Variants in CSMD1 observed in about 807,000 individuals in gnomAD.
CSMD1 encodes CUB and sushi domain-containing protein 1.
In CSMD1, 213 loss-of-function variants were observed where a neutral mutation model predicts 417.5. The ratio of observed to expected loss-of-function variants is 0.51; its 90% confidence interval spans 0.46 to 0.57. CSMD1 has a LOEUF of 0.57. Ranked by LOEUF, CSMD1 falls within the 20% of genes least tolerant of loss-of-function variation. The pLI is 0.00. For missense variants in CSMD1, 6,923 were observed against 4,529.7 expected (o/e 1.53, Z -15.17); for synonymous variants, 2,862 against 1,736.8 (o/e 1.65, Z -16.11).
At chr8:3,590,738 C>T (rs899364668) in intron 8 of CSMD1, among the ~76,000 whole-genome samples, 3 of 152,132 alleles carry the variant, frequency 2.0e-5, no homozygotes, top group Admixed American at 6.5e-5. Context: ...TGTGGGTAAA[C>T]GCCATTCCAG....
chr8:2,944,552 C>CA (rs1802091093), intron 68 of CSMD1, among the ~76,000 whole-genome samples: 1 of 152,154 alleles, frequency 6.6e-6, no homozygotes. Context: ...CTCATAGTCA[C>CA]AAAAATGTAA....
At chr8:3,455,148 G>A (rs938411610) in intron 12 of CSMD1, among the ~76,000 whole-genome samples, 2 of 152,176 alleles carry the variant, frequency 1.3e-5, no homozygotes, top group African/African-American at 4.8e-5. Flanking sequence ...CTCCTGCCAT[G>A]GTTTTCAGTT....
intron 3 of CSMD1, among the ~76,000 whole-genome samples, chr8:4,167,349 G>C (rs1162681613): frequency 2.0e-5 from 3 of 152,156 alleles, no homozygotes; most frequent in Admixed American, 1.3e-4. Context: ...TTTGTGAAGG[G>C]TGCCTGGTGA....
chr8:3,679,948 C>T (rs549376245), intron 7 of CSMD1, among the ~76,000 whole-genome samples: 2 of 152,138 alleles, frequency 1.3e-5, no homozygotes, highest in Admixed American at 6.5e-5. Context: ...GGGTACATAA[C>T]GAAATGAAGG....
intron 2 of CSMD1, among the ~76,000 whole-genome samples, chr8:4,535,626 C>T (rs1197615329): frequency 4.6e-5 from 7 of 152,114 alleles, no homozygotes; most frequent in African/African-American, 1.7e-4. Flanking sequence ...TAATATAGTT[C>T]CAAATCATTC....
At chr8:3,906,439 C>G (rs551033703) in intron 5 of CSMD1, among the ~76,000 whole-genome samples, 1 of 152,142 alleles carries the variant, frequency 6.6e-6, no homozygotes, top group Non-Finnish European at 1.5e-5. Flanking sequence ...TGTTTAATGC[C>G]TTAGAAATCA....
chr8:3,150,332 C>T (rs1355214573), intron 40 of CSMD1, among the ~76,000 whole-genome samples: 1 of 152,220 alleles, frequency 6.6e-6, no homozygotes, highest in East Asian at 1.9e-4. Context: ...AGCTGCTCTT[C>T]CACAGTCCTC....
intron 7 of CSMD1, among the ~76,000 whole-genome samples, chr8:3,631,800 T>C (rs1796796218): frequency 6.6e-6 from 1 of 152,164 alleles, no homozygotes; most frequent in Non-Finnish European, 1.5e-5. Context: ...TTTCTCTGCC[T>C]TAGGCACTAA....
chr8:3,914,003 T>C (rs933410052), intron 5 of CSMD1, among the ~76,000 whole-genome samples: 2 of 152,154 alleles, frequency 1.3e-5, no homozygotes, highest in African/African-American at 2.4e-5. Context: ...TAATACTTTG[T>C]TATTCTTGAA....
rs186824887 is a variant in CSMD1 at position 3,970,127 on chromosome 8, A to G, written c.818+27776T>C. On this transcript the variant is annotated intron_variant, in intron 5 of 69. Coordinates refer to ENST00000635120, the MANE Select transcript of CSMD1 (RefSeq NM_033225.6). ...TTTGTGAGAAATCTTAAAATGCTCA[A>G]TCATGCTCTAAAATAATCATTTTAT... 1.6e-3 allele frequency among the ~76,000 whole-genome samples: 246 copies of G among 152,348 alleles called. 2 individuals carry two copies. Among genetic ancestry groups the G allele is most frequent in the Non-Finnish European group, 2.3e-3 (157 of 68,028 alleles).
intron 4 of CSMD1, among the ~76,000 whole-genome samples, chr8:4,024,791 C>G (rs956084356): frequency 6.6e-6 from 1 of 152,204 alleles, no homozygotes; most frequent in Non-Finnish European, 1.5e-5. Flanking sequence ...TTTATGACAG[C>G]TTGTGACTGG....
At chr8:3,965,872 C>T (rs1041634231) in intron 5 of CSMD1, among the ~76,000 whole-genome samples, 1 of 152,100 alleles carries the variant, frequency 6.6e-6, no homozygotes, top group African/African-American at 2.4e-5. Context: ...CAGCCTTGGC[C>T]TTTTGAAGTG....
chr8:4,217,924 T>C (rs1423753285), intron 3 of CSMD1, among the ~76,000 whole-genome samples: 1 of 152,102 alleles, frequency 6.6e-6, no homozygotes, highest in Admixed American at 6.6e-5. Flanking sequence ...AGAACAAGAT[T>C]CAGGAGCAAA....
intron 1 of CSMD1, among the ~76,000 whole-genome samples, chr8:4,878,952 A>G (rs1407109270): frequency 6.6e-6 from 1 of 151,818 alleles, no homozygotes; most frequent in Non-Finnish European, 1.5e-5. Context: ...AGGACCTGCC[A>G]AGGCACAGTG....
rs545690685 is a variant in CSMD1, at chr8:4,178,702, C to A, written c.416-146603G>T. Among the ~76,000 whole-genome samples the A allele has an allele frequency of 2.6e-5, 4 of 152,296 alleles. No individual in the cohort carries two copies. The East Asian group carries it at 7.7e-4, about 29-fold the overall frequency. ...AAACCCCACTGTCTCAGCCCAAAAT[C>A]TCCTTAAGCTGATAGGCAACTTCAG... On this transcript the variant is annotated intron_variant, in intron 3 of 69. Transcript: ENST00000635120.
intron 47 of CSMD1, among the ~76,000 whole-genome samples, chr8:3,093,948 G>C (rs2129009424): frequency 6.6e-6 from 1 of 152,230 alleles, no homozygotes; most frequent in Admixed American, 6.5e-5. Context: ...TGTTTGGTAT[G>C]TTGGTTTGCT....
intron 10 of CSMD1, among the ~76,000 whole-genome samples, chr8:3,525,474 G>A (rs1228886425): frequency 6.6e-6 from 1 of 152,148 alleles, no homozygotes; most frequent in Non-Finnish European, 1.5e-5. Flanking sequence ...AGCAGGACAT[G>A]AAGAGCTATC....
chr8:4,961,967 T>A (rs188366133), intron 1 of CSMD1, among the ~76,000 whole-genome samples: 124 of 152,182 alleles, frequency 8.1e-4, no homozygotes, highest in African/African-American at 3.0e-3. Flanking sequence ...TTTCTTGTCT[T>A]TGAATGTCAA....
intron 37 of CSMD1, among the ~76,000 whole-genome samples, chr8:3,178,498 G>T (rs762313975): frequency 1.3e-5 from 2 of 152,064 alleles, no homozygotes; most frequent in Non-Finnish European, 2.9e-5. Flanking sequence ...TGGATACCTC[G>T]CAAGGTGCTC....
Sources: allele counts gnomAD v4.1 joint callset (sites outside exome capture counted in the v4.1 genomes callset), GRCh38; gene constraint gnomAD v4.1.1; transcripts MANE v1.5; gene names NCBI Gene and HGNC (gene_info 2026-07-23, HGNC 2026-07-21).